Variants in IGSF21 observed in about 807,000 individuals in gnomAD.
IGSF21 encodes immunoglobulin superfamily member 21.
In IGSF21, 28 loss-of-function variants were observed where a neutral mutation model predicts 46.8. The ratio of observed to expected loss-of-function variants is 0.60; its 90% CI spans 0.44 to 0.82. IGSF21 has a LOEUF of 0.82. Among genes scored for constraint, IGSF21 ranks in the 40% least tolerant of loss-of-function variants. The probability of loss-of-function intolerance (pLI) is 0.00; values close to 1 mark genes in which losing one functional copy is unlikely to be tolerated. For missense variants in IGSF21, 624 were observed against 665.5 expected, an observed-to-expected ratio of 0.94 and a Z score of 0.69; for synonymous variants, 284 against 273.6, an observed-to-expected ratio of 1.04 and a Z score of -0.38.
chr1:18,246,584 C>T (rs2124522740), intron 2 of IGSF21, among the ~76,000 whole-genome samples: 1 of 152,278 alleles, frequency 6.6e-6, no homozygotes, highest in East Asian at 1.9e-4. Context: ...TGGAGTTACA[C>T]CCTACACGGG....
chr1:18,191,247 A>T (rs2086953210), intron 1 of IGSF21, among the ~76,000 whole-genome samples: 1 of 152,138 alleles, frequency 6.6e-6, no homozygotes, highest in African/African-American at 2.4e-5. Flanking sequence ...TCTGAGCCTC[A>T]AGTGTCCAAT....
chr1:18,170,643 C>G (rs2086727787), intron 1 of IGSF21, among the ~76,000 whole-genome samples: 1 of 152,032 alleles, frequency 6.6e-6, no homozygotes, highest in Non-Finnish European at 1.5e-5. Flanking sequence ...AGAGGTTAAG[C>G]AACTTGCTCA....
intron 1 of IGSF21, among the ~76,000 whole-genome samples, chr1:18,158,960 G>A (rs930157095): frequency 1.3e-5 from 2 of 152,176 alleles, no homozygotes; most frequent in African/African-American, 2.4e-5. Flanking sequence ...TGCTGAGGGC[G>A]ATTCCCTCCC....
intron 1 of IGSF21, among the ~76,000 whole-genome samples, chr1:18,155,545 T>A (rs2086560943): frequency 6.6e-6 from 1 of 152,188 alleles, no homozygotes; most frequent in African/African-American, 2.4e-5. Flanking sequence ...CAGGGGCAAT[T>A]CTGCTGAGCT....
chr1:18,190,924 G>A (rs1337998104), intron 1 of IGSF21, among the ~76,000 whole-genome samples: 2 of 152,168 alleles, frequency 1.3e-5, no homozygotes, highest in Non-Finnish European at 2.9e-5. Context: ...AGGCTCGGGT[G>A]GGTGGAGGAG....
intron 3 of IGSF21, among the ~76,000 whole-genome samples, chr1:18,328,639 C>T (rs1569820524): frequency 6.6e-6 from 1 of 152,304 alleles, no homozygotes; most frequent in Non-Finnish European, 1.5e-5. Flanking sequence ...GACAAGCACT[C>T]CCAGCATGCC....
chr1:18,250,769 G>T (rs540292041), intron 2 of IGSF21, among the ~76,000 whole-genome samples: 25 of 152,268 alleles, frequency 1.6e-4, no homozygotes, highest in African/African-American at 5.3e-4. Flanking sequence ...TTTATAAAGT[G>T]CCTGAGTGCC....
chr1:18,351,105 C>T (rs1008427146), intron 4 of IGSF21, among the ~76,000 whole-genome samples: 10 of 152,082 alleles, frequency 6.6e-5, no homozygotes, highest in African/African-American at 1.2e-4. Context: ...GGGGAAATGA[C>T]GGCCATGTCG....
At chr1:18,366,426 A>G (rs2086165202) in intron 6 of IGSF21, among the ~76,000 whole-genome samples, 1 of 151,872 alleles carries the variant, frequency 6.6e-6, no homozygotes, top group Middle Eastern at 3.2e-3. Flanking sequence ...AAGGAGAGGA[A>G]CCTTGAGGTC....
intron 3 of IGSF21, among the ~76,000 whole-genome samples, chr1:18,324,798 C>T (rs975686679): frequency 6.6e-6 from 1 of 152,106 alleles, no homozygotes; most frequent in African/African-American, 2.4e-5. Context: ...CTACTGTGTC[C>T]CTGGAAAGGG....
chr1:18,147,819 C>T (rs1197526900), intron 1 of IGSF21, among the ~76,000 whole-genome samples: 2 of 152,088 alleles, frequency 1.3e-5, no homozygotes, highest in African/African-American at 4.8e-5. Context: ...GTGTCCCCAC[C>T]CAAATCTCAT....
chr1:18,320,237 G>T (rs1557642035), intron 3 of IGSF21, among the ~76,000 whole-genome samples: 1 of 152,106 alleles, frequency 6.6e-6, no homozygotes. Context: ...TTGACAAAGG[G>T]GCTGATAGGA....
At chr1:18,253,288 T>C (rs11590994) in intron 2 of IGSF21, among the ~76,000 whole-genome samples, 4,236 of 152,264 alleles carry the variant, frequency 0.028, 118 homozygotes, top group East Asian at 0.15. Flanking sequence ...CTTTCCTGAG[T>C]CATCTGATGG....
At chr1:18,349,995 C>A (rs1402066071) in intron 4 of IGSF21, among the ~76,000 whole-genome samples, 6 of 152,140 alleles carry the variant, frequency 3.9e-5, no homozygotes, top group Non-Finnish European at 5.9e-5. Context: ...TGGTAGGTGT[C>A]CGAAGCACGA....
chr1:18,226,324 C>A lies in IGSF21; in HGVS notation c.71-1574C>A, dbSNP rs377479423. Among the ~76,000 whole-genome samples the A allele has an allele frequency of 9.2e-5, 14 of 152,286 alleles. No homozygotes were observed. In the South Asian group the frequency reaches 2.9e-3, roughly 32 times the overall value. ...CCCTCACTGCTTGTTCCTGGAGGGC[C>A]GAGCAATGCCTGGGTCTCTGCTTCC... is the stretch of plus-strand genomic sequence containing the variant. On this transcript the variant is annotated intron_variant, in intron 1 of 9. Coordinates refer to ENST00000251296, the MANE Select transcript of IGSF21 (RefSeq NM_032880.5).
chr1:18,284,630 A>T (rs1015807781), intron 2 of IGSF21, among the ~76,000 whole-genome samples: 1 of 152,244 alleles, frequency 6.6e-6, no homozygotes, highest in Non-Finnish European at 1.5e-5. Context: ...AGAAACAATC[A>T]GTGACTTGCC....
chr1:18,259,779 T>G (rs576534650), intron 2 of IGSF21, among the ~76,000 whole-genome samples: 2 of 152,120 alleles, frequency 1.3e-5, no homozygotes, highest in East Asian at 3.9e-4. Context: ...TGCACTGATG[T>G]GAAAGTCAAT....
At chr1:18,253,359 C>A (rs2084860667) in intron 2 of IGSF21, among the ~76,000 whole-genome samples, 1 of 152,198 alleles carries the variant, frequency 6.6e-6, no homozygotes, top group Non-Finnish European at 1.5e-5. Context: ...TGCCTTGAAT[C>A]AAATTCACTG....
chr1:18,152,493 T>A (rs888500200), intron 1 of IGSF21, among the ~76,000 whole-genome samples: 3 of 152,220 alleles, frequency 2.0e-5, no homozygotes, highest in East Asian at 1.9e-4. Flanking sequence ...ACAATTTGGT[T>A]TGGCCTTTTG....
Sources: allele counts gnomAD v4.1 joint callset (sites outside exome capture counted in the v4.1 genomes callset), GRCh38; gene constraint gnomAD v4.1.1; transcripts MANE v1.5; gene names NCBI Gene and HGNC (gene_info 2026-07-23, HGNC 2026-07-21).